Variants in TK2 observed in about 807,000 individuals in gnomAD.
TK2 encodes thymidine kinase 2, mitochondrial.
In TK2, 35 loss-of-function variants were observed where a neutral mutation model predicts 41.9. The observed-to-expected ratio is 0.84, with a 90% CI of 0.64 to 1.11. The LOEUF is 1.11. TK2 is among the 50% of genes least tolerant of loss of function. TK2 has a pLI of 0.00. For synonymous variants in TK2, 128 were observed against 129.1 expected (o/e 0.99, Z 0.06); for missense variants, 320 against 351.1 (o/e 0.91, Z 0.71).
rs281865487 is a variant in TK2 at position 66,541,919 on chromosome 16, G to A, written c.191C>T (p.Thr64Met). 1.9e-6 allele frequency: 3 copies of A among 1,614,044 alleles called. No homozygotes were observed. The highest frequency in any genetic ancestry group is 1.7e-5 in the Admixed American group (1 of 60,004). ...GTTGGAGAAGAATTCCAGGCATGTC[G>A]TCTTCCCACTTGCAATATTGCCCTC... Reference protein sequence around the residue: ...CVEGNIASGKTTCLEFFSNAT... With the variant: ...CVEGNIASGKMTCLEFFSNAT... The change falls in exon 3 of 10, where the codon ACG (threonine) becomes ATG (methionine). Residue 64 changes from threonine to methionine, a missense_variant. Thr to Met is a moderately conservative substitution (Grantham distance 81, BLOSUM62 -1). Transcript: ENST00000544898.
intron 4 of TK2, among the ~76,000 whole-genome samples, chr16:66,536,679 A>T (rs905540925): frequency 1.9e-4 from 29 of 152,150 alleles, no homozygotes; most frequent in African/African-American, 6.3e-4. Context: ...GGCTGGAATG[A>T]GCAACAAGAA....
At chr16:66,545,789 A>C (rs1220636092) in intron 2 of TK2, among the ~76,000 whole-genome samples, 7 of 151,710 alleles carry the variant, frequency 4.6e-5, no homozygotes, top group African/African-American at 1.5e-4. Context: ...ATGCCATTGC[A>C]CTCCAGCCTG....
chr16:66,519,769 C>T (rs182787177), intron 6 of TK2, among the ~76,000 whole-genome samples: 9 of 152,238 alleles, frequency 5.9e-5, no homozygotes, highest in Admixed American at 3.9e-4. Context: ...GAGCTGGGTT[C>T]GGCAAGACTG....
chr16:66,548,136 A>G, intron 2 of TK2: 1 of 413,040 alleles, frequency 2.4e-6, no homozygotes, highest in Non-Finnish European at 4.9e-6. Flanking sequence ...CTCCCCTTCT[A>G]TGGCACCCGC....
At chr16:66,530,647 G>C (rs1965081800) in intron 5 of TK2, among the ~76,000 whole-genome samples, 1 of 152,052 alleles carries the variant, frequency 6.6e-6, no homozygotes, top group South Asian at 2.1e-4. Context: ...ATAAAACACA[G>C]ATTGCTGGGC....
At chr16:66,545,601 A>C (rs1272841641) in intron 2 of TK2, among the ~76,000 whole-genome samples, 1 of 152,222 alleles carries the variant, frequency 6.6e-6, no homozygotes, top group Non-Finnish European at 1.5e-5. Context: ...AGACAGGCGG[A>C]TCACCTGAGG....
rs1335802190 is a variant in TK2, at chr16:66,510,816, CTT to C, written c.*1150_*1151del. ...CCCAAAGGGAACGTTCTTTCTTTCT[CTT>C]GTTTTCTGCTTGATCCAAGGGGCAG... On this transcript the variant is annotated 3_prime_UTR_variant, in exon 10 of 10. Coordinates refer to ENST00000544898, the MANE Select transcript of TK2 (RefSeq NM_004614.5). 4 of 152,308 alleles carry C rather than the reference CTT, an allele frequency of 2.6e-5. No individual in the cohort carries two copies. Among genetic ancestry groups the C allele is most frequent in the Non-Finnish European group, 5.9e-5 (4 of 68,038 alleles). The allele number at this position is 152,308 out of a possible 1,614,324, so 9.4% of individuals were successfully genotyped here.
At chr16:66,532,887 T>C (rs1965159502) in intron 4 of TK2, among the ~76,000 whole-genome samples, 1 of 151,636 alleles carries the variant, frequency 6.6e-6, no homozygotes, top group Non-Finnish European at 1.5e-5. Context: ...AATCCTAAAA[T>C]TGATATGAAA....
intron 6 of TK2, among the ~76,000 whole-genome samples, chr16:66,525,581 T>A (rs962100849): frequency 3.9e-5 from 6 of 152,086 alleles, no homozygotes; most frequent in Non-Finnish European, 1.5e-5. Context: ...CCTTTTCTCA[T>A]CTCTCTGGAG....
At chr16:66,547,718 G>A (rs1023264459) in intron 2 of TK2, among the ~76,000 whole-genome samples, 42 of 151,254 alleles carry the variant, frequency 2.8e-4, no homozygotes, top group Non-Finnish European at 5.6e-4. Flanking sequence ...CAGACAGACC[G>A]CAGACTCCCA....
At chr16:66,531,541 T>G (rs1965114016) in intron 4 of TK2, 72 bp from the exon 5 acceptor site, 2 of 1,451,710 alleles carry the variant, frequency 1.4e-6, no homozygotes, top group African/African-American at 1.4e-5. Context: ...CACAAGGCAC[T>G]GAAGGACAGC....
rs1315788394 is a variant in TK2, at chr16:66,517,653, C to T, written c.538+136G>A. 6 of 798,992 alleles carry T rather than the reference C, an allele frequency of 7.5e-6. No individual in the cohort carries two copies. The African/African-American group carries it at 8.5e-5, about 11-fold the overall frequency. 49.5% of individuals were successfully genotyped at this position (798,992 alleles called of 1,614,324 possible). On this transcript the variant is annotated intron_variant, in intron 7 of 9. Coordinates refer to ENST00000544898, the MANE Select transcript of TK2 (RefSeq NM_004614.5). The surrounding 1 kb of genome is among the most constrained non-coding windows in gnomAD (Gnocchi z 4.3). ...ATTCTGTCTGCCCTCAGGGAGAAAG[C>T]TGAACTCCCATGGGGAAGGAACTGC...
chr16:66,512,917 C>T (rs1362858905), intron 9 of TK2, among the ~76,000 whole-genome samples: 1 of 152,218 alleles, frequency 6.6e-6, no homozygotes, highest in African/African-American at 2.4e-5. Flanking sequence ...TCATGCACAG[C>T]CCTGCCTCAC....
In TK2 at chr16:66,529,065, C is replaced by A; in HGVS notation, c.378G>T (p.Val126=). 6.2e-7 allele frequency: 1 copy of A among 1,613,986 alleles called. No individual in the cohort carries two copies. ...ACCTCTCCATCAACCGTACAGATGA[C>A]ACCTAAAGGAAAACAAAAAGAGAAT... The part of the protein sequence containing the change: ...TMLDRHTRPQ[V]SSVRLMERSI... The change falls in exon 6 of 10, where the codon GTG becomes GTT. Residue 126 remains valine (V), a splice_region_variant and synonymous_variant. Coordinates refer to ENST00000544898, the MANE Select transcript of TK2 (RefSeq NM_004614.5).
At chr16:66,548,510 C>G (rs1965677310) in intron 2 of TK2, among the ~76,000 whole-genome samples, 2 of 152,196 alleles carry the variant, frequency 1.3e-5, no homozygotes, top group Admixed American at 6.5e-5. Context: ...CCAGAGCCAG[C>G]ATCTCAAAGC....
chr16:66,520,399 T>C (rs1405578722), intron 6 of TK2, among the ~76,000 whole-genome samples: 1 of 152,056 alleles, frequency 6.6e-6, no homozygotes, highest in Non-Finnish European at 1.5e-5. Flanking sequence ...AGCTTTAGGG[T>C]AGGCACAATC....
chr16:66,528,852 G>A, intron 6 of TK2, 142 bp downstream of exon 6: 1 of 804,066 alleles, frequency 1.2e-6, no homozygotes, highest in South Asian at 1.5e-5. Flanking sequence ...ATTCGTGGCT[G>A]TTTGTTACAC....
At chr16:66,535,426 G>T (rs2144428347) in intron 4 of TK2, among the ~76,000 whole-genome samples, 1 of 152,272 alleles carries the variant, frequency 6.6e-6, no homozygotes, top group South Asian at 2.1e-4. Context: ...GGCTTCTAGA[G>T]AATATGAATG....
In TK2 at chr16:66,517,382, C is replaced by T; in HGVS notation, c.539-167G>A. The stretch of plus-strand genomic sequence containing the variant: ...CTCCGCCTCGACTTTCATTCTCTTT[C>T]AGTGTCAGCGGCCCCGTGGGGTCGT... On this transcript the variant is annotated intron_variant, in intron 7 of 9. Transcript: ENST00000544898. This position sits in a 1 kb window ranked among gnomAD's most constrained non-coding sequence, Gnocchi z 4.3. 1 of 731,164 alleles carries T rather than the reference C, an allele frequency of 1.4e-6. No homozygotes were observed. Among genetic ancestry groups the T allele is most frequent in the East Asian group, 2.5e-5 (1 of 39,438 alleles). The allele number at this position is 731,164 out of a possible 1,614,324, so 45.3% of individuals were successfully genotyped here. A position where few individuals can be genotyped will look rare whatever the true frequency, so the allele number is the denominator to read the frequency against.
Sources: gnomAD v4.1 joint callset for allele counts (sites outside exome capture counted in the v4.1 genomes callset) on GRCh38, gnomAD v4.1.1 for gene constraint, Gnocchi (gnomAD v3.1) non-coding constraint, MANE v1.5 for transcripts, NCBI Gene and HGNC (gene_info 2026-07-23, HGNC 2026-07-21) for gene names.